Variants in KCND2 observed in about 807,000 individuals in gnomAD.
KCND2 encodes potassium voltage-gated channel subfamily D member 2.
Under a neutral mutation model 54.4 loss-of-function variants are expected in KCND2, and 16 were observed. The ratio of observed to expected loss-of-function variants is 0.29; its 90% confidence interval spans 0.20 to 0.45. The LOEUF (loss-of-function observed/expected upper bound fraction) is 0.45. KCND2 is among the 20% of genes least tolerant of loss of function. The pLI is 1.00. For missense variants in KCND2, 486 were observed against 824.2 expected (o/e 0.59, Z 5.02); for synonymous variants, 317 against 310.7 (o/e 1.02, Z -0.21).
At chr7:120,398,163 A>T (rs1445533269) in intron 1 of KCND2, among the ~76,000 whole-genome samples, 17 of 84,230 alleles carry the variant, frequency 2.0e-4, no homozygotes, top group Non-Finnish European at 2.6e-4. Context: ...ATACATATAT[A>T]CACACACACA....
At chr7:120,547,599 A>G (rs1165486124) in intron 1 of KCND2, among the ~76,000 whole-genome samples, 1 of 152,022 alleles carries the variant, frequency 6.6e-6, no homozygotes, top group Non-Finnish European at 1.5e-5. Context: ...CAAGGGTGAT[A>G]TAGGTTTCAC....
At chr7:120,565,515 G>A (rs1792285605) in intron 1 of KCND2, among the ~76,000 whole-genome samples, 1 of 152,100 alleles carries the variant, frequency 6.6e-6, no homozygotes. Context: ...TAATCTAGTT[G>A]TGTAACAAGG....
chr7:120,745,899 C>G lies in KCND2; in HGVS notation c.1587C>G (p.Cys529Trp), dbSNP rs780179079. The G allele has an allele frequency of 5.6e-6, 9 of 1,613,882 alleles. No homozygotes were observed. The highest frequency in any genetic ancestry group is 7.6e-6 in the Non-Finnish European group (9 of 1,179,850). ...CACAACAAGGAGTCACCAGCACCTG[C>G]TGTTCACGACGACACAAAAAAACTT... ...LSSQQGVTST[C>W]CSRRHKKTFR... The change falls in exon 5 of 6, where the codon TGC becomes TGG. Residue 529 changes from cysteine (C) to tryptophan (W), a missense_variant. Cys to Trp is a radical substitution (Grantham distance 215). Around this residue, in one of 7 missense-constraint regions of KCND2, gnomAD observed 202 missense variants for 252.7 expected, o/e 0.80. Coordinates refer to ENST00000331113, the MANE Select transcript of KCND2 (RefSeq NM_012281.3).
intron 1 of KCND2, among the ~76,000 whole-genome samples, chr7:120,471,211 C>T (rs764330429): frequency 1.1e-4 from 17 of 152,002 alleles, no homozygotes; most frequent in Non-Finnish European, 2.1e-4. Context: ...TCAATTATTA[C>T]TTCTTGGGGA....
At chr7:120,301,821 A>G (rs1239995921) in intron 1 of KCND2, among the ~76,000 whole-genome samples, 1 of 152,158 alleles carries the variant, frequency 6.6e-6, no homozygotes, top group Non-Finnish European at 1.5e-5. Flanking sequence ...ATGAAAAAAT[A>G]CTTTTCCTGA....
intron 1 of KCND2, among the ~76,000 whole-genome samples, chr7:120,461,299 C>T (rs1372967821): frequency 6.6e-6 from 1 of 152,194 alleles, no homozygotes; most frequent in African/African-American, 2.4e-5. Flanking sequence ...GGAAAATATC[C>T]ACAAGAGCAG....
At chr7:120,652,089 T>C (rs1289441378) in intron 1 of KCND2, among the ~76,000 whole-genome samples, 1 of 152,090 alleles carries the variant, frequency 6.6e-6, no homozygotes, top group Non-Finnish European at 1.5e-5. Flanking sequence ...TTTCCTTTTT[T>C]TTTTTGAGAT....
intron 1 of KCND2, among the ~76,000 whole-genome samples, chr7:120,542,396 T>C (rs1311168881): frequency 6.6e-6 from 1 of 152,194 alleles, no homozygotes; most frequent in African/African-American, 2.4e-5. Flanking sequence ...GAATCAGTTA[T>C]AAAATAAATT....
intron 1 of KCND2, among the ~76,000 whole-genome samples, chr7:120,410,612 A>T (rs989061301): frequency 6.6e-6 from 1 of 151,858 alleles, no homozygotes; most frequent in Non-Finnish European, 1.5e-5. Flanking sequence ...TTTGTTACAT[A>T]TGTATACATG....
At chr7:120,391,880 G>T (rs970424173) in intron 1 of KCND2, among the ~76,000 whole-genome samples, 3 of 152,078 alleles carry the variant, frequency 2.0e-5, no homozygotes, top group Non-Finnish European at 4.4e-5. Context: ...TGTACACTCT[G>T]ATGGTAGTTT....
chr7:120,700,099 G>GAA (rs1792381589), intron 1 of KCND2, among the ~76,000 whole-genome samples: 13 of 152,054 alleles, frequency 8.5e-5, no homozygotes, highest in Non-Finnish European at 1.0e-4. Context: ...AAATGCCATA[G>GAA]ATTGGTCAAG....
Position 120,470,798 on chromosome 7 carries a change from T to C in KCND2, c.1115+195051T>C, listed in dbSNP as rs572654442. 1.3e-3 allele frequency among the ~76,000 whole-genome samples: 199 copies of C among 151,838 alleles called. 2 individuals are homozygous for C. The highest frequency in any genetic ancestry group is 4.7e-3 in the African/African-American group (196 of 41,494). ...ACTCAATCAACTTGCTATAATATTA[T>C]GTATTTCATATTACATGACATTATA... On this transcript the variant is annotated intron_variant, in intron 1 of 5. Transcript: ENST00000331113.
intron 1 of KCND2, among the ~76,000 whole-genome samples, chr7:120,643,968 T>G (rs1311819089): frequency 6.6e-6 from 1 of 151,858 alleles, no homozygotes; most frequent in Non-Finnish European, 1.5e-5. Flanking sequence ...TAGAATAACA[T>G]AAGTAATCTA....
At chr7:120,645,382 G>C (rs1793426945) in intron 1 of KCND2, among the ~76,000 whole-genome samples, 1 of 152,180 alleles carries the variant, frequency 6.6e-6, no homozygotes, top group African/African-American at 2.4e-5. Flanking sequence ...CCCATGACTA[G>C]TGGCATGCTA....
chr7:120,418,144 T>C (rs916966257), intron 1 of KCND2, among the ~76,000 whole-genome samples: 3 of 152,214 alleles, frequency 2.0e-5, no homozygotes, highest in African/African-American at 7.2e-5. Flanking sequence ...TCTCTCCATT[T>C]CATTCTAAAT....
chr7:120,519,339 T>G (rs774993374), intron 1 of KCND2, among the ~76,000 whole-genome samples: 5 of 151,972 alleles, frequency 3.3e-5, no homozygotes, highest in African/African-American at 7.2e-5. Context: ...TGAGTGAGAC[T>G]TTTCTCAAAA....
chr7:120,381,733 A>C (rs1800918880), intron 1 of KCND2, among the ~76,000 whole-genome samples: 1 of 152,076 alleles, frequency 6.6e-6, no homozygotes, highest in African/African-American at 2.4e-5. Context: ...AAGCATGCCA[A>C]AATTTTGAGC....
chr7:120,680,932 T>A lies in KCND2; in HGVS notation c.1116-51971T>A, dbSNP rs139891535. The stretch of plus-strand genomic sequence containing the variant: ...ATGAGAAGGAGCAGTTCCCTTATGT[T>A]CTTAAAAATCCTGAGTGACATGCTA... On this transcript the variant is annotated intron_variant, in intron 1 of 5. Coordinates refer to ENST00000331113, the MANE Select transcript of KCND2 (RefSeq NM_012281.3). Among the ~76,000 whole-genome samples, 31 of 152,202 alleles carry A rather than the reference T, an allele frequency of 2.0e-4. No individual in the cohort carries two copies. The East Asian group carries it at 3.1e-3, about 15-fold the overall frequency.
At chr7:120,276,662 A>C (rs1254360616) in intron 1 of KCND2, among the ~76,000 whole-genome samples, 1 of 152,058 alleles carries the variant, frequency 6.6e-6, no homozygotes, top group African/African-American at 2.4e-5. Flanking sequence ...CAAAGGGACA[A>C]ATTTCTGAAT....
Sources: allele counts gnomAD v4.1 joint callset (sites outside exome capture counted in the v4.1 genomes callset), GRCh38; gene constraint gnomAD v4.1.1; regional missense constraint gnomAD v4.1.1; transcripts MANE v1.5; gene names NCBI Gene and HGNC (gene_info 2026-07-23, HGNC 2026-07-21).